Variants in ZNF550 observed in about 807,000 individuals in gnomAD.
ZNF550 encodes the protein zinc finger protein 550.
A neutral mutation model predicts 40.2 loss-of-function variants in ZNF550; 42 were observed. The ratio of observed to expected loss-of-function variants is 1.05; its 90% CI spans 0.82 to 1.35. The LOEUF is 1.35. ZNF550 is among the 40% of genes most tolerant of loss of function. ZNF550 has a pLI of 0.00. For missense variants in ZNF550, 549 were observed against 525.2 expected (o/e 1.05, Z -0.44); for synonymous variants, 223 against 198.6 (o/e 1.12, Z -1.03).
exon 5 of ZNF550, chr19:57,542,899 C>CCTGAGGTT (rs2089973762): frequency 6.6e-6 from 1 of 152,034 alleles, no homozygotes; most frequent in Non-Finnish European, 1.5e-5. Flanking sequence ...AACATGATTA[C>CCTGAGGTT]CTGAGGTTCT....
At chr19:57,552,812 G>T in intron 2 of ZNF550, 90 bp from the exon 3 acceptor site, 1 of 929,468 alleles carries the variant, frequency 1.1e-6, no homozygotes, top group Non-Finnish European at 1.6e-6. Flanking sequence ...ACAGGGTCCA[G>T]ACATGAATGC....
At chr19:57,546,138 A>T (rs964378971) in intron 4 of ZNF550, among the ~76,000 whole-genome samples, 2 of 152,330 alleles carry the variant, frequency 1.3e-5, no homozygotes, top group East Asian at 3.9e-4. Flanking sequence ...CTAGATATAA[A>T]AAAGAAGTGT....
intron 3 of ZNF550, among the ~76,000 whole-genome samples, chr19:57,551,801 C>T (rs1388046635): frequency 2.6e-5 from 4 of 152,228 alleles, no homozygotes; most frequent in Non-Finnish European, 5.9e-5. Flanking sequence ...CAGCTACACT[C>T]ATCAGCACAG....
At chr19:57,558,491 A>C (rs2090141834) in intron 1 of ZNF550, among the ~76,000 whole-genome samples, 1 of 152,218 alleles carries the variant, frequency 6.6e-6, no homozygotes, top group South Asian at 2.1e-4. Context: ...AATGTACTTA[A>C]GCCTGGCTGT....
At chr19:57,552,032 G>A (rs1351922684) in intron 3 of ZNF550, among the ~76,000 whole-genome samples, 1 of 152,200 alleles carries the variant, frequency 6.6e-6, no homozygotes, top group East Asian at 1.9e-4. Context: ...AGAAATGTAT[G>A]ACATTACATT....
intron 4 of ZNF550, chr19:57,543,435 C>T: frequency 3.7e-6 from 1 of 269,330 alleles, no homozygotes; most frequent in Non-Finnish European, 5.7e-6. Context: ...ATTTCTAATT[C>T]GTCTTTGCAT....
At chr19:57,547,932 C>T in exon 4 of ZNF550, 1 of 1,614,038 alleles carries the variant, frequency 6.2e-7, no homozygotes, top group East Asian at 2.2e-5. Flanking sequence ...GGAGAAAGGC[C>T]CGCTCAGATA....
chr19:57,560,866 T>C (rs888897372), upstream of ZNF550, among the ~76,000 whole-genome samples: 1 of 152,222 alleles, frequency 6.6e-6, no homozygotes, highest in African/African-American at 2.4e-5. Flanking sequence ...CAGCCCAGTC[T>C]TCTTGTTGGA....
intron 1 of ZNF550, among the ~76,000 whole-genome samples, chr19:57,559,125 G>A (rs1320890717): frequency 6.6e-6 from 1 of 152,154 alleles, no homozygotes; most frequent in East Asian, 1.9e-4. Context: ...GACTCCTGCT[G>A]GGGTTGAGTC....
At chr19:57,546,925 A>G (rs1157597504) in exon 4 of ZNF550, 2 of 1,545,472 alleles carry the variant, frequency 1.3e-6, no homozygotes, top group Admixed American at 1.9e-5. Flanking sequence ...GAATGATAAA[A>G]TAACAGTGGG....
chr19:57,555,846 T>A (rs1213793773), intron 2 of ZNF550: 2 of 270,716 alleles, frequency 7.4e-6, no homozygotes, highest in African/African-American at 4.5e-5. Flanking sequence ...TTGTATTGCT[T>A]AGGAAGATAT....
chr19:57,547,353 G>A, exon 4 of ZNF550: 2 of 1,613,254 alleles, frequency 1.2e-6, no homozygotes, highest in Non-Finnish European at 1.7e-6. Context: ...TAGACCGGTG[G>A]GTGAAGGCCT....
At chr19:57,547,776 G>A (rs749320889) in exon 4 of ZNF550, 6 of 1,613,988 alleles carry the variant, frequency 3.7e-6, no homozygotes, top group South Asian at 1.1e-5. Flanking sequence ...CACCTTCAAG[G>A]CTCACTTTCC....
At chr19:57,546,630 G>C in exon 4 of ZNF550, 1 of 1,039,218 alleles carries the variant, frequency 9.6e-7, no homozygotes, top group South Asian at 4.1e-5. Flanking sequence ...TTTCTGCTCT[G>C]GCCAAAGACT....
intron 4 of ZNF550, chr19:57,543,822 C>A (rs1169147595): frequency 2.2e-6 from 1 of 452,310 alleles, no homozygotes; most frequent in Admixed American, 6.4e-5. Flanking sequence ...CCTGTAATCC[C>A]AGCTACTCGG....
chr19:57,555,082 A>C (rs777439743), intron 2 of ZNF550: 1 of 152,134 alleles, frequency 6.6e-6, no homozygotes, highest in Non-Finnish European at 1.5e-5. Flanking sequence ...TAACTTCTTT[A>C]TCCTGACCCA....
intron 3 of ZNF550, 107 bp downstream of exon 3, chr19:57,552,520 C>T (rs1448706244): frequency 4.6e-6 from 4 of 868,744 alleles, no homozygotes; most frequent in Non-Finnish European, 7.1e-6. Flanking sequence ...AACCAGGCCC[C>T]CGGAAAGCCA....
At chr19:57,546,515 G>T in exon 4 of ZNF550, 1 of 989,756 alleles carries the variant, frequency 1.0e-6, no homozygotes, top group African/African-American at 1.7e-5. Context: ...TCAAATTCCA[G>T]CATGGCTCTT....
At chr19:57,552,605 T>G (rs925981481) in intron 3 of ZNF550, 22 bp downstream of exon 3, 2 of 1,575,608 alleles carry the variant, frequency 1.3e-6, no homozygotes, top group South Asian at 2.2e-5. Context: ...TGACTCCACA[T>G]GACCAGCTGG....
Sources: allele counts gnomAD v4.1 joint callset (sites outside exome capture counted in the v4.1 genomes callset), GRCh38; gene constraint gnomAD v4.1.1; transcripts MANE v1.5; gene names NCBI Gene and HGNC (gene_info 2026-07-23, HGNC 2026-07-21).